The following SYT6 variants were observed in gnomAD, a reference collection of about 807,000 sequenced individuals.
The protein encoded by SYT6 is synaptotagmin-6.
In SYT6, 24 loss-of-function variants were observed where a neutral mutation model predicts 38.4. That is an observed-to-expected ratio of 0.62 (90% confidence interval 0.45 to 0.88). SYT6 has a LOEUF of 0.88. Ranked by LOEUF, SYT6 falls within the 40% of genes least tolerant of loss-of-function variation. The pLI, the probability that SYT6 is intolerant of heterozygous loss-of-function variation, is 0.00. For synonymous variants in SYT6, 265 were observed against 241.9 expected (o/e 1.10, Z -0.89); for missense variants, 611 against 621.0 (o/e 0.98, Z 0.17).
chr1:114,145,504 T>C (rs1259040793), intron 1 of SYT6, among the ~76,000 whole-genome samples: 48 of 33,294 alleles, frequency 1.4e-3, no homozygotes, highest in Non-Finnish European at 2.9e-3. Context: ...GGTATTAAGT[T>C]TTTTTTTTTT....
chr1:114,116,143 G>A (rs1676982616), intron 3 of SYT6, among the ~76,000 whole-genome samples: 1 of 152,192 alleles, frequency 6.6e-6, no homozygotes, highest in Non-Finnish European at 1.5e-5. Flanking sequence ...GACTATGAGA[G>A]GATACATCCT....
At chr1:114,093,835 G>A (rs781293084) in intron 6 of SYT6, 32 bp from the exon 7 acceptor site, 2 of 1,603,644 alleles carry the variant, frequency 1.2e-6, no homozygotes, top group East Asian at 2.2e-5. Context: ...ATAAATGCCT[G>A]GTTGTTGAGG....
chr1:114,153,517 C>G (rs2101142470), intron 1 of SYT6, 93 bp downstream of exon 1: 1 of 561,934 alleles, frequency 1.8e-6, no homozygotes. Context: ...GGAGTTCTCT[C>G]TAGGTTCTGG....
chr1:114,137,878 A>T lies in SYT6; in HGVS notation c.688T>A (p.Cys230Ser). Residue 230 changes from cysteine (C) to serine (S), a missense_variant, in exon 3 of 8, where the codon TGC becomes AGC. By Grantham distance (112) the Cys-to-Ser change is moderately radical. Coordinates refer to ENST00000610222, the MANE Select transcript of SYT6 (RefSeq NM_001253772.2). Reference protein sequence around the residue: ...EDAKSEATKSCGKINFSLRYD... With the variant: ...EDAKSEATKSSGKINFSLRYD... Reference sequence around the variant, plus strand: ...CGTAGGCTGAAGTTGATCTTCCCGCAGCTCTTGGTGGCCTCAGACTTGGCA... The same window carrying T: ...CGTAGGCTGAAGTTGATCTTCCCGCTGCTCTTGGTGGCCTCAGACTTGGCA... The T allele has an allele frequency of 6.2e-7, 1 of 1,613,712 alleles. No homozygotes were observed. The highest frequency in any genetic ancestry group is 8.5e-7 in the Non-Finnish European group (1 of 1,179,902).
chr1:114,102,594 A>G (rs895148092), intron 4 of SYT6, among the ~76,000 whole-genome samples: 31 of 152,074 alleles, frequency 2.0e-4, no homozygotes, highest in African/African-American at 7.2e-4. Context: ...TTTCCAGCAA[A>G]TAAATAAAGA....
chr1:114,139,733 C>T lies in SYT6; in HGVS notation c.394G>A (p.Val132Met), dbSNP rs553637905. The change falls in exon 2 of 8, where the codon GTG becomes ATG. Residue 132 changes from valine (V) to methionine (M), a missense_variant. Val to Met is a conservative substitution (Grantham distance 21). Coordinates refer to ENST00000610222, the MANE Select transcript of SYT6 (RefSeq NM_001253772.2). Reference protein sequence around the residue: ...PSTLGFLEAAVKISHTSPDIP... With the variant: ...PSTLGFLEAAMKISHTSPDIP... ...TCTGGGGACGTGTGGCTGATCTTCA[C>T]GGCCGCCTCCAGGAAGCCCAGGGTG... is the stretch of plus-strand genomic sequence containing the variant. 9.9e-6 allele frequency: 16 copies of T among 1,614,150 alleles called. No individual in the cohort carries two copies. Among genetic ancestry groups the T allele is most frequent in the Middle Eastern group, 3.3e-4 (2 of 6,060 alleles).
At position 114,142,196 on chromosome 1, in the gene SYT6, G is replaced by A. The variant is rs555634719; in HGVS notation, c.164-2233C>T. 1.3e-5 allele frequency among the ~76,000 whole-genome samples: 2 copies of A among 152,286 alleles called. 1 individual carries two copies. The highest frequency in any genetic ancestry group is 4.1e-4 in the South Asian group (2 of 4,832). Reference sequence around the variant, plus strand: ...AGTAAATTGAAAACTGTCTGAATAGGATTCACCATTCTTGATGCCATTAAG... The same window carrying A: ...AGTAAATTGAAAACTGTCTGAATAGAATTCACCATTCTTGATGCCATTAAG... On this transcript the variant is annotated intron_variant, in intron 1 of 7. Coordinates refer to ENST00000610222, the MANE Select transcript of SYT6 (RefSeq NM_001253772.2).
intron 3 of SYT6, among the ~76,000 whole-genome samples, chr1:114,114,008 C>T (rs185469828): frequency 1.8e-3 from 279 of 152,328 alleles, no homozygotes; most frequent in African/African-American, 6.1e-3. Context: ...TCTTCCTGCC[C>T]CATGACTTTG....
At chr1:114,152,033 T>G (rs1370326610) in intron 1 of SYT6, among the ~76,000 whole-genome samples, 1 of 152,058 alleles carries the variant, frequency 6.6e-6, no homozygotes, top group Non-Finnish European at 1.5e-5. Flanking sequence ...AGGGCTCAGG[T>G]GGGCTCCGCT....
intron 4 of SYT6, among the ~76,000 whole-genome samples, chr1:114,100,507 T>C (rs2101629346): frequency 6.6e-6 from 1 of 152,342 alleles, no homozygotes; most frequent in South Asian, 2.1e-4. Flanking sequence ...ACTCCAAGCC[T>C]GAAAGGCATT....
In SYT6 at chr1:114,138,070, G is replaced by T; in HGVS notation, c.513-17C>A. On this transcript the variant is annotated splice_polypyrimidine_tract_variant and intron_variant, in intron 2 of 7. Transcript: ENST00000610222. ...GACGTGTGCCTGGTAGAGGGCAGGAGGGGGCAGAGGGAGTGTGGTCAGGGC... is the reference window on the plus strand; with the variant it reads ...GACGTGTGCCTGGTAGAGGGCAGGATGGGGCAGAGGGAGTGTGGTCAGGGC... The T allele has an allele frequency of 6.2e-7, 1 of 1,606,258 alleles. No homozygotes were observed. The highest frequency in any genetic ancestry group is 8.5e-7 in the Non-Finnish European group (1 of 1,175,556).
chr1:114,117,460 T>C (rs893199010), intron 3 of SYT6, among the ~76,000 whole-genome samples: 1 of 152,178 alleles, frequency 6.6e-6, no homozygotes, highest in African/African-American at 2.4e-5. Context: ...GATGTCTAAG[T>C]CAGCAAAAGT....
intron 1 of SYT6, among the ~76,000 whole-genome samples, chr1:114,153,133 C>A (rs1475891179): frequency 1.3e-5 from 2 of 152,140 alleles, no homozygotes; most frequent in African/African-American, 4.8e-5. Context: ...ACTGGGGGTC[C>A]GCCCGCGTTC....
At chr1:114,150,029 C>T (rs796646027) in intron 1 of SYT6, among the ~76,000 whole-genome samples, 44 of 152,222 alleles carry the variant, frequency 2.9e-4, no homozygotes, top group African/African-American at 9.4e-4. Flanking sequence ...CCAGTTTAGT[C>T]GGAACTTTGT....
chr1:114,134,011 C>G (rs1282557474), intron 3 of SYT6, among the ~76,000 whole-genome samples: 1 of 152,204 alleles, frequency 6.6e-6, no homozygotes, highest in African/African-American at 2.4e-5. Flanking sequence ...CTGGTGCCAC[C>G]TGCCAGGGCC....
At position 114,137,730 on chromosome 1, in the gene SYT6, C is replaced by A; in HGVS notation, c.836G>T (p.Cys279Phe). 4.3e-6 allele frequency: 7 copies of A among 1,614,168 alleles called. No individual in the cohort carries two copies. The highest frequency in any genetic ancestry group is 5.9e-6 in the Non-Finnish European group (7 of 1,180,034). The change falls in exon 3 of 8, where the codon TGC becomes TTC. Residue 279 changes from cysteine to phenylalanine, a missense_variant. Coordinates refer to ENST00000610222, the MANE Select transcript of SYT6 (RefSeq NM_001253772.2). ...GCGGTGCACCCGGGTCTGCAGCTTG[C>A]ATTTGCGGTCAGGCAGGAGGTAGAT... ...VKIYLLPDRK[C>F]KLQTRVHRKT...
intron 7 of SYT6, 59 bp downstream of exon 7, chr1:114,093,673 GGAA>G (rs1675451571): frequency 4.0e-6 from 6 of 1,502,118 alleles, no homozygotes; most frequent in Admixed American, 1.8e-5. Context: ...CCACACTAGG[GGAA>G]GAAGGAGACA....
chr1:114,116,106 G>A (rs1316768602), intron 3 of SYT6, among the ~76,000 whole-genome samples: 2 of 152,206 alleles, frequency 1.3e-5, no homozygotes, highest in Non-Finnish European at 2.9e-5. Context: ...GAAAGAAGAT[G>A]AATGGATGGT....
In SYT6 at chr1:114,100,461, G is replaced by A. The variant is rs569600540; in HGVS notation, c.1193-1196C>T. On this transcript the variant is annotated intron_variant, in intron 4 of 7. Transcript: ENST00000610222. ...ATGGCAGATGAGGCACACATCCCTG[G>A]TGGAAATTAGGGAGAACTGTGACAC... Among the ~76,000 whole-genome samples, 17 of 152,310 alleles carry A rather than the reference G, an allele frequency of 1.1e-4. No individual in the cohort carries two copies. The South Asian group carries it at 2.1e-3, about 19-fold the overall frequency.
Sources: allele counts gnomAD v4.1 joint callset (sites outside exome capture counted in the v4.1 genomes callset), GRCh38; gene constraint gnomAD v4.1.1; transcripts MANE v1.5; gene names NCBI Gene and HGNC (gene_info 2026-07-23, HGNC 2026-07-21).